Variants in L3MBTL3 observed in about 807,000 individuals in gnomAD.
L3MBTL3 encodes lethal(3)malignant brain tumor-like protein 3.
Under a neutral mutation model 102.3 loss-of-function variants are expected in L3MBTL3, and 27 were observed. That is an observed-to-expected ratio of 0.26 (90% CI 0.19 to 0.36). L3MBTL3 has a LOEUF of 0.36. Among genes scored for constraint, L3MBTL3 ranks in the 10% least tolerant of loss-of-function variants. The probability of loss-of-function intolerance (pLI) is 1.00; values close to 1 mark genes in which losing one functional copy is unlikely to be tolerated. For missense variants in L3MBTL3, 798 were observed against 955.3 expected, an observed-to-expected ratio of 0.84 and a Z score of 2.17; for synonymous variants, 340 against 320.9, an observed-to-expected ratio of 1.06 and a Z score of -0.64.
At chr6:130,046,371 T>G (rs1041227915) in intron 3 of L3MBTL3, among the ~76,000 whole-genome samples, 1 of 152,232 alleles carries the variant, frequency 6.6e-6, no homozygotes, top group African/African-American at 2.4e-5. Flanking sequence ...TAAAACACAC[T>G]GGTAAGTCGA....
At chr6:130,060,175 AAT>A in intron 10 of L3MBTL3, 35 bp downstream of exon 10, 1 of 1,307,072 alleles carries the variant, frequency 7.7e-7, no homozygotes, top group Non-Finnish European at 1.1e-6. Context: ...TTTAAAATAA[AAT>A]GGTGATTATG....
chr6:130,086,226 A>G lies in L3MBTL3; in HGVS notation c.1494A>G (p.Ala498=). Residue 498 remains alanine (A), a synonymous_variant, in exon 16 of 23, where the codon GCA becomes GCG. Transcript: ENST00000361794. ...NPMFIRVATV[A]DTDDHRVKVH... Reference sequence around the variant, plus strand: ...TGTTTATTAGAGTAGCAACTGTGGCAGACACAGATGATCACCGGGTAAAAG... The same window carrying G: ...TGTTTATTAGAGTAGCAACTGTGGCGGACACAGATGATCACCGGGTAAAAG... 4 of 1,610,504 alleles carry G rather than the reference A, an allele frequency of 2.5e-6. No individual in the cohort carries two copies. The South Asian group carries it at 3.3e-5, about 13-fold the overall frequency.
intron 14 of L3MBTL3, among the ~76,000 whole-genome samples, chr6:130,080,902 C>T (rs1475878577): frequency 2.0e-5 from 3 of 152,154 alleles, no homozygotes; most frequent in South Asian, 2.1e-4. Context: ...ACAAAAAAGA[C>T]ACCCTTTCTC....
chr6:130,030,770 A>G (rs533304428), intron 2 of L3MBTL3, among the ~76,000 whole-genome samples: 1 of 152,120 alleles, frequency 6.6e-6, no homozygotes, highest in Non-Finnish European at 1.5e-5. Context: ...CTAAAATACA[A>G]TGTGTTGGCA....
Position 130,110,057 on chromosome 6 carries a change from A to G in L3MBTL3, c.1886+5482A>G, listed in dbSNP as rs146431311. ...TCTCTGTTCTCTTCCATTGGTTTAT[A>G]TATCTGTTTTGGTACCAGTACCATG... On this transcript the variant is annotated intron_variant, in intron 19 of 22. Transcript: ENST00000361794. 5.6e-3 allele frequency among the ~76,000 whole-genome samples: 848 copies of G among 152,228 alleles called. 13 individuals are homozygous for G. Among genetic ancestry groups the G allele is most frequent in the African/African-American group, 0.019 (787 of 41,514 alleles).
intron 4 of L3MBTL3, 159 bp from the exon 5 acceptor site, chr6:130,049,597 C>A: frequency 1.2e-6 from 1 of 812,564 alleles, no homozygotes; most frequent in Non-Finnish European, 2.0e-6. Context: ...TGTCCTAATG[C>A]CAGATCTGTA....
chr6:130,079,689 A>C (rs980496002), intron 14 of L3MBTL3, among the ~76,000 whole-genome samples: 2 of 152,186 alleles, frequency 1.3e-5, no homozygotes, highest in Non-Finnish European at 2.9e-5. Context: ...AGCCTGCAGC[A>C]TGTAAGCTGC....
chr6:130,075,966 C>G (rs954274792), intron 13 of L3MBTL3, among the ~76,000 whole-genome samples: 1 of 152,134 alleles, frequency 6.6e-6, no homozygotes, highest in Non-Finnish European at 1.5e-5. Flanking sequence ...ATATTTCAAA[C>G]AGCTACTGTG....
intron 14 of L3MBTL3, among the ~76,000 whole-genome samples, chr6:130,078,883 G>A (rs1305236181): frequency 6.6e-6 from 1 of 152,066 alleles, no homozygotes; most frequent in Non-Finnish European, 1.5e-5. Flanking sequence ...TTTGCTCACC[G>A]CTGATGTACT....
intron 2 of L3MBTL3, among the ~76,000 whole-genome samples, chr6:130,032,821 A>C (rs1336555346): frequency 1.3e-5 from 2 of 152,164 alleles, no homozygotes; most frequent in Non-Finnish European, 2.9e-5. Context: ...TGAGACCCCC[A>C]TCTCTACAAA....
chr6:130,127,801 GT>G (rs1034665254), intron 20 of L3MBTL3, among the ~76,000 whole-genome samples: 26 of 151,428 alleles, frequency 1.7e-4, no homozygotes, highest in Non-Finnish European at 2.9e-4. Flanking sequence ...CCATTTTTTT[GT>G]TTTTTTTAGT....
chr6:130,052,640 A>C (rs1160445419), intron 6 of L3MBTL3, among the ~76,000 whole-genome samples: 3 of 152,132 alleles, frequency 2.0e-5, no homozygotes, highest in Non-Finnish European at 4.4e-5. Context: ...ATATAAGGTA[A>C]TTTTCATTTT....
intron 2 of L3MBTL3, among the ~76,000 whole-genome samples, chr6:130,023,048 A>G (rs1779110416): frequency 2.6e-5 from 4 of 151,870 alleles, no homozygotes; most frequent in Admixed American, 2.6e-4. Flanking sequence ...AGTGCTTTCT[A>G]CTGTTTATAC....
rs562839044 is a variant in L3MBTL3, at chr6:130,075,863, A to T, written c.1245-2695A>T. 7.9e-5 allele frequency among the ~76,000 whole-genome samples: 12 copies of T among 152,318 alleles called. No individual in the cohort carries two copies. The South Asian group carries it at 2.5e-3, about 32-fold the overall frequency. The stretch of plus-strand genomic sequence containing the variant: ...CTGGAGAAAATGAAGAAGTAAAAGG[A>T]AAATTTGATACGAGGGTGATGAGAT... On this transcript the variant is annotated intron_variant, in intron 13 of 22. Coordinates refer to ENST00000361794, the MANE Select transcript of L3MBTL3 (RefSeq NM_032438.4).
rs1788143679 is a variant in L3MBTL3 at position 130,140,117 on chromosome 6, T to C, written c.*364T>C. The C allele has an allele frequency of 5.9e-6, 1 of 168,136 alleles. No individual in the cohort carries two copies. Among genetic ancestry groups the C allele is most frequent in the African/African-American group, 2.4e-5 (1 of 41,600 alleles). 10.4% of individuals were successfully genotyped at this position (168,136 alleles called of 1,614,324 possible). A position where few individuals can be genotyped will look rare whatever the true frequency, so the allele number is the denominator to read the frequency against. ...AAACATTGTTGAATTCTCTTTCATG[T>C]ACACTGTTTCTTTTTCAATACTTTC... is the stretch of plus-strand genomic sequence containing the variant. On this transcript the variant is annotated 3_prime_UTR_variant, in exon 23 of 23. Transcript: ENST00000361794.
intron 20 of L3MBTL3, 78 bp downstream of exon 20, chr6:130,121,036 C>T: frequency 2.3e-6 from 2 of 866,274 alleles, no homozygotes; most frequent in African/African-American, 1.7e-5. Context: ...TGGAATACAA[C>T]AGTCTCTTTT....
intron 15 of L3MBTL3, among the ~76,000 whole-genome samples, 154 bp downstream of exon 15, chr6:130,083,859 T>C (rs890050994): frequency 3.3e-5 from 5 of 152,172 alleles, no homozygotes; most frequent in Non-Finnish European, 7.4e-5. Context: ...ATTTTTAAAG[T>C]CAAAATTGTT....
chr6:130,067,410 G>A (rs986799802), intron 11 of L3MBTL3, among the ~76,000 whole-genome samples: 1 of 152,068 alleles, frequency 6.6e-6, no homozygotes, highest in African/African-American at 2.4e-5. Flanking sequence ...CACCGTGCCC[G>A]GCCATATTTA....
chr6:130,050,416 TC>T (rs1295471431), intron 5 of L3MBTL3, among the ~76,000 whole-genome samples: 1 of 152,248 alleles, frequency 6.6e-6, no homozygotes, highest in Non-Finnish European at 1.5e-5. Flanking sequence ...TACTGCTTTT[TC>T]TGGCTCAAAT....
Sources: gnomAD v4.1 joint callset for allele counts (sites outside exome capture counted in the v4.1 genomes callset) on GRCh38, gnomAD v4.1.1 for gene constraint, MANE v1.5 for transcripts, NCBI Gene and HGNC (gene_info 2026-07-23, HGNC 2026-07-21) for gene names.